CUL1: variants seen among roughly 807,000 people sequenced by gnomAD.
CUL1 encodes the protein cullin 1.
A neutral mutation model predicts 118.0 loss-of-function variants in CUL1; 24 were observed. The observed-to-expected ratio is 0.20, with a 90% confidence interval of 0.15 to 0.29. CUL1 has a LOEUF of 0.29. CUL1 is among the 10% of genes least tolerant of loss of function. CUL1 has a pLI of 1.00. For missense variants in CUL1, 361 were observed against 933.8 expected (o/e 0.39, Z 7.99); for synonymous variants, 332 against 340.4 (o/e 0.98, Z 0.27).
chr7:148,800,610 C>T lies in CUL1; in HGVS notation c.*28C>T, dbSNP rs539877007. 7.2e-6 allele frequency: 11 copies of T among 1,538,380 alleles called. No individual in the cohort carries two copies. Among genetic ancestry groups the T allele is most frequent in the Non-Finnish European group, 9.0e-6 (10 of 1,113,738 alleles). ...CTTCTGGAAGGGTCTGACTGTGTGA[C>T]CCGCAGCAAATAGTTCATGTTGGAA... On this transcript the variant is annotated 3_prime_UTR_variant, in exon 22 of 22. Transcript: ENST00000325222. The surrounding 1 kb of genome is among the most constrained non-coding windows in gnomAD (Gnocchi z 4.6).
chr7:148,797,766 A>G, intron 17 of CUL1, 46 bp from the exon 18 acceptor site: 1 of 1,523,874 alleles, frequency 6.6e-7, no homozygotes, highest in Non-Finnish European at 9.1e-7. Context: ...ATTGCAAAGA[A>G]AAATGCATTT....
At chr7:148,753,041 T>A (rs1029867823) in intron 2 of CUL1, among the ~76,000 whole-genome samples, 5 of 152,266 alleles carry the variant, frequency 3.3e-5, no homozygotes, top group African/African-American at 9.6e-5. Flanking sequence ...TTGGTTTTAC[T>A]GTTTTAGCTT....
intron 9 of CUL1, among the ~76,000 whole-genome samples, chr7:148,778,624 A>T (rs1224533262): frequency 6.6e-6 from 1 of 152,226 alleles, no homozygotes; most frequent in Non-Finnish European, 1.5e-5. Flanking sequence ...TTTTAAGGAA[A>T]AATTATCTAG....
chr7:148,709,616 C>T (rs1237608752), intron 1 of CUL1, among the ~76,000 whole-genome samples: 5 of 152,148 alleles, frequency 3.3e-5, no homozygotes, highest in African/African-American at 7.2e-5. Context: ...TGAGAAAATA[C>T]ACAAGTTAAT....
At chr7:148,699,545 C>T (rs928325073) in intron 1 of CUL1, among the ~76,000 whole-genome samples, 4 of 152,166 alleles carry the variant, frequency 2.6e-5, no homozygotes. Flanking sequence ...CCTGTGAGCT[C>T]TGGGCTCAAG....
At chr7:148,730,714 G>A (rs1055488895) in intron 2 of CUL1, among the ~76,000 whole-genome samples, 1 of 152,212 alleles carries the variant, frequency 6.6e-6, no homozygotes, top group Non-Finnish European at 1.5e-5. Flanking sequence ...TTTTGTCCAT[G>A]AAGCCTAAAA....
intron 9 of CUL1, among the ~76,000 whole-genome samples, chr7:148,768,945 T>G (rs1225804792): frequency 6.6e-6 from 1 of 152,210 alleles, no homozygotes; most frequent in Non-Finnish European, 1.5e-5. Flanking sequence ...AACAATTTTA[T>G]GCTCACAAGA....
chr7:148,721,148 T>G (rs2129459304), intron 1 of CUL1, among the ~76,000 whole-genome samples: 1 of 152,324 alleles, frequency 6.6e-6, no homozygotes. Flanking sequence ...GCTAAATTGT[T>G]TTCTTATGTA....
At chr7:148,739,073 A>G (rs1261713132) in intron 2 of CUL1, among the ~76,000 whole-genome samples, 2 of 152,180 alleles carry the variant, frequency 1.3e-5, no homozygotes, top group African/African-American at 2.4e-5. Context: ...GGAAAATGGC[A>G]CACCTCATAA....
chr7:148,759,891 A>G (rs962767032), intron 6 of CUL1, among the ~76,000 whole-genome samples: 4 of 152,176 alleles, frequency 2.6e-5, no homozygotes, highest in Admixed American at 2.6e-4. Flanking sequence ...TTCTGGTCTC[A>G]TAGTGAATTA....
Position 148,790,311 on chromosome 7 carries a change from T to G in CUL1, c.1676T>G (p.Leu559Trp). The G allele has an allele frequency of 6.2e-7, 1 of 1,614,162 alleles. No individual in the cohort carries two copies. The highest frequency in any genetic ancestry group is 8.5e-7 in the Non-Finnish European group (1 of 1,180,006). Residue 559 changes from leucine (L) to tryptophan (W), a missense_variant and splice_region_variant, in exon 16 of 22, where the codon TTG (leucine) becomes TGG (tryptophan). Transcript: ENST00000325222. ...QSCTFALPSE[L>W]ERSYQRFTAF... is the part of the protein sequence containing the mutation. ...ATATAATGCTGTCCTTTTATCTAGT[T>G]GGAACGTAGTTATCAGCGATTCACA... is the stretch of plus-strand genomic sequence containing the variant.
chr7:148,732,265 CATT>C (rs1330924211), intron 2 of CUL1, among the ~76,000 whole-genome samples: 6 of 151,888 alleles, frequency 4.0e-5, no homozygotes, highest in African/African-American at 1.5e-4. Flanking sequence ...AAGGAGGTGT[CATT>C]GTTGATCTGT....
chr7:148,706,305 G>A (rs78256897), intron 1 of CUL1, among the ~76,000 whole-genome samples: 7 of 152,280 alleles, frequency 4.6e-5, no homozygotes, highest in Admixed American at 4.6e-4. Context: ...AGACTGTGCC[G>A]AGCTTGCTTT....
chr7:148,762,704 C>T (rs915258269), intron 7 of CUL1, among the ~76,000 whole-genome samples: 1 of 152,154 alleles, frequency 6.6e-6, no homozygotes, highest in African/African-American at 2.4e-5. Flanking sequence ...ACGACAGTGG[C>T]GCGAGCCTGT....
chr7:148,736,538 AG>A (rs1798949475), intron 2 of CUL1, among the ~76,000 whole-genome samples: 2 of 152,238 alleles, frequency 1.3e-5, no homozygotes, highest in Admixed American at 6.5e-5. Context: ...CCTGGCTTCA[AG>A]CAGTCCTCCC....
At chr7:148,767,808 G>T in intron 9 of CUL1, 59 bp downstream of exon 9, 1 of 1,547,724 alleles carries the variant, frequency 6.5e-7, no homozygotes, top group Non-Finnish European at 8.9e-7. Context: ...CGAACTGCAA[G>T]CATATGTTAT....
At chr7:148,784,786 TA>T (rs1360406085) in intron 11 of CUL1, among the ~76,000 whole-genome samples, 1 of 152,170 alleles carries the variant, frequency 6.6e-6, no homozygotes, top group Non-Finnish European at 1.5e-5. Flanking sequence ...AATTATATTT[TA>T]AACAGCTCTT....
chr7:148,733,172 G>A lies in CUL1; in HGVS notation c.140+2910G>A, dbSNP rs146266980. 4.4e-3 allele frequency among the ~76,000 whole-genome samples: 667 copies of A among 152,224 alleles called. 6 individuals carry two copies. Among genetic ancestry groups the A allele is most frequent in the African/African-American group, 0.015 (639 of 41,530 alleles). Reference sequence around the variant, plus strand: ...ACACTCTATGTAGTCTTCAGCTACTGTATTTGAATGGATCACATTTCTCAG... The same window carrying A: ...ACACTCTATGTAGTCTTCAGCTACTATATTTGAATGGATCACATTTCTCAG... On this transcript the variant is annotated intron_variant, in intron 2 of 21. Transcript: ENST00000325222.
At chr7:148,754,561 T>G (rs1289090445) in intron 3 of CUL1, among the ~76,000 whole-genome samples, 2 of 152,234 alleles carry the variant, frequency 1.3e-5, no homozygotes, top group Non-Finnish European at 2.9e-5. Context: ...TGGATTTGGT[T>G]GTTAGAAATG....
Sources: allele counts gnomAD v4.1 joint callset (sites outside exome capture counted in the v4.1 genomes callset), GRCh38; gene constraint gnomAD v4.1.1; non-coding constraint Gnocchi (gnomAD v3.1); transcripts MANE v1.5; gene names NCBI Gene and HGNC (gene_info 2026-07-23, HGNC 2026-07-21).